The following SRPK2 variants were observed in gnomAD, a reference collection of about 807,000 sequenced individuals.
The protein encoded by SRPK2 is SFRS protein kinase 2.
SRPK2 carries 21 observed loss-of-function variants against 90.8 expected under a neutral mutation model. That is an observed-to-expected ratio of 0.23 (90% CI 0.16 to 0.33). The LOEUF (loss-of-function observed/expected upper bound fraction) is 0.33. Among genes scored for constraint, SRPK2 ranks in the 10% least tolerant of loss-of-function variants. The probability of loss-of-function intolerance (pLI) is 1.00; values close to 1 mark genes in which losing one functional copy is unlikely to be tolerated. For missense variants in SRPK2, 620 were observed against 869.0 expected (o/e 0.71, Z 3.60); for synonymous variants, 288 against 311.1 (o/e 0.93, Z 0.78).
intron 1 of SRPK2, among the ~76,000 whole-genome samples, chr7:105,394,897 G>A (rs7809329): frequency 2.6e-5 from 4 of 152,040 alleles, no homozygotes; most frequent in South Asian, 2.1e-4. Context: ...ACAGCCGGGC[G>A]CGGTGGCTTA....
chr7:105,122,934 A>AGT (rs1800617150), intron 15 of SRPK2, among the ~76,000 whole-genome samples: 3 of 152,036 alleles, frequency 2.0e-5, no homozygotes, highest in Non-Finnish European at 4.4e-5. Flanking sequence ...TCCACGCAGC[A>AGT]ATTTTTACTA....
chr7:105,163,385 G>A (rs1317299214), intron 6 of SRPK2, among the ~76,000 whole-genome samples: 1 of 152,182 alleles, frequency 6.6e-6, no homozygotes, highest in Non-Finnish European at 1.5e-5. Context: ...AGTTTAAGGG[G>A]ACAATACCGC....
chr7:105,365,282 G>A (rs993474794), intron 2 of SRPK2, among the ~76,000 whole-genome samples: 5 of 151,850 alleles, frequency 3.3e-5, no homozygotes, highest in Admixed American at 3.3e-4. Flanking sequence ...ATCAGGAGCT[G>A]GAGACCAGCC....
intron 2 of SRPK2, among the ~76,000 whole-genome samples, chr7:105,355,593 G>A (rs141498042): frequency 2.6e-5 from 4 of 152,264 alleles, no homozygotes; most frequent in Non-Finnish European, 5.9e-5. Context: ...GGTCAAGGCT[G>A]CAGTAAGCCA....
At chr7:105,244,989 T>G (rs1369639454) in intron 2 of SRPK2, 1 of 1,062,094 alleles carries the variant, frequency 9.4e-7, no homozygotes, top group African/African-American at 1.6e-5. Context: ...CCCTGCCCTC[T>G]CCCTGAAATA....
chr7:105,346,249 A>C (rs545608503), intron 2 of SRPK2, among the ~76,000 whole-genome samples: 1 of 152,316 alleles, frequency 6.6e-6, no homozygotes, highest in Admixed American at 6.5e-5. Flanking sequence ...CCAATTTACT[A>C]ATTGGCTTCA....
chr7:105,250,310 A>G (rs2129630796), intron 2 of SRPK2, among the ~76,000 whole-genome samples: 1 of 152,218 alleles, frequency 6.6e-6, no homozygotes, highest in South Asian at 2.1e-4. Flanking sequence ...ATTACACTCC[A>G]GCCTGGGCAA....
At chr7:105,115,879 C>T (rs1142), downstream of SRPK2, among the ~76,000 whole-genome samples, 48,011 of 151,822 alleles carry the variant, frequency 0.32, 7,816 homozygotes, top group Non-Finnish European at 0.35. Context: ...GGATGTTTCT[C>T]ATAGAAATCA....
rs201468375 is a variant in SRPK2, at chr7:105,388,632, C to A, written c.71+16G>T. On this transcript the variant is annotated intron_variant, in intron 2 of 15. Transcript: ENST00000393651. ...GGCGGGGGTGGGGAACGGGGACAGG[C>A]GCAGCGTGGACTCACTTTTTCGGAT... 2.5e-6 allele frequency: 4 copies of A among 1,576,986 alleles called. No homozygotes were observed. Among genetic ancestry groups the A allele is most frequent in the Admixed American group, 1.8e-5 (1 of 56,646 alleles).
At chr7:105,146,208 T>C (rs556990453) in intron 8 of SRPK2, among the ~76,000 whole-genome samples, 1 of 152,328 alleles carries the variant, frequency 6.6e-6, no homozygotes, top group South Asian at 2.1e-4. Flanking sequence ...TACTATGTTC[T>C]CCTCTGCAGA....
intron 2 of SRPK2, among the ~76,000 whole-genome samples, chr7:105,331,462 T>C (rs528490775): frequency 2.0e-5 from 3 of 151,692 alleles, no homozygotes; most frequent in African/African-American, 4.8e-5. Context: ...CCTAAAACCA[T>C]ATCCTGGCTT....
chr7:105,375,641 A>G (rs773656245), intron 2 of SRPK2, among the ~76,000 whole-genome samples: 11 of 152,228 alleles, frequency 7.2e-5, no homozygotes, highest in Non-Finnish European at 1.6e-4. Context: ...GCACAACTAG[A>G]TAAGCTATTT....
At chr7:105,269,463 A>G (rs1805533549) in intron 2 of SRPK2, among the ~76,000 whole-genome samples, 1 of 152,316 alleles carries the variant, frequency 6.6e-6, no homozygotes, top group Admixed American at 6.5e-5. Context: ...TAACTCCTCT[A>G]GAAAGAGACT....
At chr7:105,392,757 C>T (rs931316021), upstream of SRPK2, among the ~76,000 whole-genome samples, 1 of 151,868 alleles carries the variant, frequency 6.6e-6, no homozygotes, top group Non-Finnish European at 1.5e-5. Flanking sequence ...CTCTGCCTCC[C>T]TAAGTGCTGG....
intron 2 of SRPK2, among the ~76,000 whole-genome samples, chr7:105,343,771 A>T (rs889775515): frequency 1.3e-4 from 19 of 151,348 alleles, no homozygotes; most frequent in Non-Finnish European, 5.9e-5. Context: ...TTTATTTTTT[A>T]TTTTTTTGGA....
chr7:105,175,371 G>A (rs1791707886), intron 3 of SRPK2, among the ~76,000 whole-genome samples: 1 of 120,620 alleles, frequency 8.3e-6, no homozygotes. Flanking sequence ...ATGAAATGCT[G>A]TTAAAGCAAA....
intron 3 of SRPK2, among the ~76,000 whole-genome samples, chr7:105,178,630 G>T (rs901257038): frequency 3.3e-5 from 5 of 151,948 alleles, no homozygotes; most frequent in African/African-American, 1.2e-4. Flanking sequence ...ACTAGCCTGG[G>T]CAAAAGAGTG....
chr7:105,194,776 C>G (rs1002726105), intron 3 of SRPK2, among the ~76,000 whole-genome samples: 1 of 152,066 alleles, frequency 6.6e-6, no homozygotes, highest in Non-Finnish European at 1.5e-5. Context: ...CTGACACTAC[C>G]CATTCAAGGC....
At chr7:105,384,235 A>G (rs1056514719) in intron 2 of SRPK2, among the ~76,000 whole-genome samples, 2 of 152,228 alleles carry the variant, frequency 1.3e-5, no homozygotes, top group African/African-American at 2.4e-5. Context: ...GCTAATTCCT[A>G]AGATTTGTGA....
Sources: allele counts gnomAD v4.1 joint callset (sites outside exome capture counted in the v4.1 genomes callset), GRCh38; gene constraint gnomAD v4.1.1; transcripts MANE v1.5; gene names NCBI Gene and HGNC (gene_info 2026-07-23, HGNC 2026-07-21).